The following AEBP2 variants were observed in gnomAD, a reference collection of about 807,000 sequenced individuals.
The protein encoded by AEBP2 is zinc finger protein AEBP2.
Under a neutral mutation model 50.8 loss-of-function variants are expected in AEBP2, and 10 were observed. The ratio of observed to expected loss-of-function variants is 0.20; its 90% confidence interval spans 0.12 to 0.33. AEBP2 has a LOEUF of 0.33. Among genes scored for constraint, AEBP2 ranks in the 10% least tolerant of loss-of-function variants. AEBP2 has a pLI of 1.00. For missense variants in AEBP2, 570 were observed against 688.0 expected, an observed-to-expected ratio of 0.83 and a Z score of 1.92; for synonymous variants, 296 against 261.3, an observed-to-expected ratio of 1.13 and a Z score of -1.28.
At chr12:19,512,296 A>C in intron 5 of AEBP2, 102 bp from the exon 6 acceptor site, 1 of 690,230 alleles carries the variant, frequency 1.4e-6, no homozygotes, top group Non-Finnish European at 2.3e-6. Context: ...CTGGGATTAC[A>C]GGCATGAGCC....
rs35060511 is a variant in AEBP2 at position 19,495,547 on chromosome 12, CTT to C, written c.1174+1574_1174+1575del. Among the ~76,000 whole-genome samples, 806 of 140,874 alleles carry C rather than the reference CTT, an allele frequency of 5.7e-3. 6 individuals carry two copies. The highest frequency in any genetic ancestry group is 0.019 in the African/African-American group (734 of 38,460). The allele number at this position is 140,874 out of a possible 152,430, so 92.4% of individuals were successfully genotyped here. A position where few individuals can be genotyped will look rare whatever the true frequency, so the allele number is the denominator to read the frequency against. ...TAAACTCTCTTAAATTTCATTCTTG[CTT>C]TTTTTTTTTTTTGATACAGGGTCTT... On this transcript the variant is annotated intron_variant, in intron 4 of 7. Coordinates refer to ENST00000266508, the MANE Select transcript of AEBP2 (RefSeq NM_153207.5).
intron 5 of AEBP2, among the ~76,000 whole-genome samples, chr12:19,502,199 A>T (rs1949092502): frequency 6.6e-6 from 1 of 152,056 alleles, no homozygotes; most frequent in African/African-American, 2.4e-5. Flanking sequence ...CAGTGGCATG[A>T]TCTAGGCTCA....
chr12:19,410,381 G>T (rs955407954), intron 1 of AEBP2, among the ~76,000 whole-genome samples: 1 of 152,166 alleles, frequency 6.6e-6, no homozygotes, highest in African/African-American at 2.4e-5. Flanking sequence ...CATTACATCA[G>T]AGGTTTGTCT....
At chr12:19,417,362 T>C (rs2095743183) in intron 1 of AEBP2, among the ~76,000 whole-genome samples, 1 of 152,170 alleles carries the variant, frequency 6.6e-6, no homozygotes, top group South Asian at 2.1e-4. Flanking sequence ...ATTCTGTATA[T>C]ATTTCTTAGA....
chr12:19,457,587 G>T, intron 1 of AEBP2: 1 of 1,480,410 alleles, frequency 6.8e-7, no homozygotes, highest in Admixed American at 2.1e-5. Context: ...AGTAGTGGTG[G>T]ACTTGTACGA....
At chr12:19,512,856 G>A (rs563901510) in intron 6 of AEBP2, among the ~76,000 whole-genome samples, 1 of 152,128 alleles carries the variant, frequency 6.6e-6, no homozygotes, top group Admixed American at 6.5e-5. Flanking sequence ...GCTGAGGCAC[G>A]AGAGTCACTT....
At chr12:19,487,657 G>A (rs1948830626) in intron 3 of AEBP2, among the ~76,000 whole-genome samples, 1 of 152,068 alleles carries the variant, frequency 6.6e-6, no homozygotes, top group Non-Finnish European at 1.5e-5. Flanking sequence ...GGCAGAGGTT[G>A]CAGTGAACCG....
At chr12:19,477,906 G>C (rs1371930928) in intron 3 of AEBP2, among the ~76,000 whole-genome samples, 1 of 152,104 alleles carries the variant, frequency 6.6e-6, no homozygotes, top group Non-Finnish European at 1.5e-5. Flanking sequence ...GAATCCAACT[G>C]GTCCCAGAAG....
intron 3 of AEBP2, among the ~76,000 whole-genome samples, chr12:19,479,101 C>T (rs879288073): frequency 3.3e-5 from 5 of 151,986 alleles, no homozygotes; most frequent in Admixed American, 6.6e-5. Flanking sequence ...CCTAGCTATG[C>T]GGGAGGCTGA....
intron 2 of AEBP2, among the ~76,000 whole-genome samples, chr12:19,465,450 C>G (rs774886906): frequency 6.6e-6 from 1 of 151,764 alleles, no homozygotes; most frequent in Non-Finnish European, 1.5e-5. Context: ...AGATAGGAGT[C>G]CTGATCTTTG....
At chr12:19,421,489 G>T (rs1183298315) in intron 1 of AEBP2, among the ~76,000 whole-genome samples, 3 of 152,178 alleles carry the variant, frequency 2.0e-5, no homozygotes, top group African/African-American at 7.2e-5. Context: ...GGGCATTGTG[G>T]TATGTGCCTG....
intron 2 of AEBP2, among the ~76,000 whole-genome samples, chr12:19,468,971 C>G (rs962359004): frequency 1.3e-5 from 2 of 152,218 alleles, no homozygotes; most frequent in African/African-American, 4.8e-5. Flanking sequence ...GTCACCCAGG[C>G]TGGAGTGTAG....
At position 19,486,262 on chromosome 12, in the gene AEBP2, T is replaced by C. The variant is rs73339324; in HGVS notation, c.988-7538T>C. On this transcript the variant is annotated intron_variant, in intron 3 of 7. Transcript: ENST00000266508. ...GGCTTTTTGTTCACTCAACAAAATA[T>C]CAGCGAGATTTGTACGAATTGTATC... 5.1e-3 allele frequency among the ~76,000 whole-genome samples: 774 copies of C among 152,272 alleles called. 6 individuals carry two copies. The highest frequency in any genetic ancestry group is 0.014 in the African/African-American group (600 of 41,554).
chr12:19,430,855 T>C (rs949756727), intron 1 of AEBP2, among the ~76,000 whole-genome samples: 4 of 151,952 alleles, frequency 2.6e-5, no homozygotes, highest in African/African-American at 9.7e-5. Context: ...TGAAGTTGCT[T>C]ATGAGCTTAA....
Position 19,433,898 on chromosome 12 carries a change from G to A in AEBP2, c.-16-28612G>A, listed in dbSNP as rs193005631. Among the ~76,000 whole-genome samples, 12 of 152,180 alleles carry A rather than the reference G, an allele frequency of 7.9e-5. No homozygotes were observed. In the East Asian group the frequency reaches 2.3e-3, roughly 30 times the overall value. Reference sequence around the variant, plus strand: ...GTCTCGCTCTGTCACCTAGGCTGGAGTGTAGTGGCGCGATCTCGGCTCACT... The same window carrying A: ...GTCTCGCTCTGTCACCTAGGCTGGAATGTAGTGGCGCGATCTCGGCTCACT... On this transcript the variant is annotated intron_variant, in intron 1 of 3. Transcript: ENST00000538425.
At chr12:19,404,141 T>A (rs1565691679) in exon 1 of AEBP2, 1 of 152,198 alleles carries the variant, frequency 6.6e-6, no homozygotes, top group Non-Finnish European at 1.5e-5. Flanking sequence ...ATATCGCAGA[T>A]CTCACTTGGG....
At chr12:19,404,147 T>G (rs1372618028) in exon 1 of AEBP2, 1 of 152,242 alleles carries the variant, frequency 6.6e-6, no homozygotes, top group South Asian at 2.1e-4. Flanking sequence ...CAGATCTCAC[T>G]TGGGAGCTTC....
At chr12:19,420,115 C>G (rs1473869585) in intron 1 of AEBP2, among the ~76,000 whole-genome samples, 1 of 150,428 alleles carries the variant, frequency 6.6e-6, no homozygotes, top group Non-Finnish European at 1.5e-5. Flanking sequence ...CTTACGCCTC[C>G]CAGGTTCAAG....
intron 1 of AEBP2, among the ~76,000 whole-genome samples, chr12:19,405,016 C>A (rs1317244893): frequency 6.9e-6 from 1 of 144,672 alleles, no homozygotes; most frequent in Admixed American, 7.1e-5. Flanking sequence ...CTCACTGCAA[C>A]CTCTGCCTCC....
Sources: allele counts gnomAD v4.1 joint callset (sites outside exome capture counted in the v4.1 genomes callset), GRCh38; gene constraint gnomAD v4.1.1; transcripts MANE v1.5; gene names NCBI Gene and HGNC (gene_info 2026-07-23, HGNC 2026-07-21).